Variants in DOCK2 observed in about 807,000 individuals in gnomAD.
DOCK2 encodes the protein dedicator of cytokinesis protein 2.
Under a neutral mutation model 248.9 loss-of-function variants are expected in DOCK2, and 87 were observed. That is an observed-to-expected ratio of 0.35 (90% confidence interval 0.29 to 0.42). The LOEUF (loss-of-function observed/expected upper bound fraction) is 0.42, where lower values mean the gene tolerates loss of function less well. Among genes scored for constraint, DOCK2 ranks in the 10% least tolerant of loss-of-function variants. The probability of loss-of-function intolerance (pLI) is 1.00; values close to 1 mark genes in which losing one functional copy is unlikely to be tolerated. For missense variants in DOCK2, 1,747 were observed against 2,300.2 expected (o/e 0.76, Z 4.92); for synonymous variants, 805 against 821.6 (o/e 0.98, Z 0.35).
At chr5:169,882,925 C>T in intron 27 of DOCK2, 2 of 1,551,978 alleles carry the variant, frequency 1.3e-6, no homozygotes, top group South Asian at 1.2e-5. Context: ...GTCTGAGGCT[C>T]TTCCTGGGTG....
At chr5:169,904,446 C>T (rs261049) in intron 27 of DOCK2, among the ~76,000 whole-genome samples, 2 of 151,908 alleles carry the variant, frequency 1.3e-5, no homozygotes, top group Non-Finnish European at 2.9e-5. Context: ...TCCAAAGTCT[C>T]ACTTCTGGGC....
chr5:169,780,285 A>T (rs928609899), intron 25 of DOCK2, among the ~76,000 whole-genome samples: 2 of 142,146 alleles, frequency 1.4e-5, no homozygotes, highest in African/African-American at 2.7e-5. Flanking sequence ...AGGCTCCCCC[A>T]ACCCAATAAA....
intron 27 of DOCK2, among the ~76,000 whole-genome samples, chr5:169,961,322 G>T (rs1376105808): frequency 6.6e-6 from 1 of 152,212 alleles, no homozygotes; most frequent in Non-Finnish European, 1.5e-5. Flanking sequence ...GAATATAATT[G>T]AAGTGACTTG....
At chr5:169,641,787 T>C (rs1757166834) in intron 1 of DOCK2, among the ~76,000 whole-genome samples, 1 of 152,210 alleles carries the variant, frequency 6.6e-6, no homozygotes, top group African/African-American at 2.4e-5. Flanking sequence ...AATACCACAG[T>C]GGTGGCCCCA....
intron 6 of DOCK2, among the ~76,000 whole-genome samples, chr5:169,676,563 T>C (rs114988726): frequency 5.9e-5 from 9 of 151,968 alleles, no homozygotes; most frequent in Non-Finnish European, 1.3e-4. Context: ...AGCGAGAGAG[T>C]TGGGCAACTT....
chr5:169,898,241 A>C (rs909159995), intron 27 of DOCK2, among the ~76,000 whole-genome samples: 1 of 152,028 alleles, frequency 6.6e-6, no homozygotes, highest in African/African-American at 2.4e-5. Flanking sequence ...CTGCCCATCA[A>C]CTGGCTGCCA....
chr5:169,650,071 T>C (rs1318953711), intron 1 of DOCK2, among the ~76,000 whole-genome samples: 5 of 152,304 alleles, frequency 3.3e-5, no homozygotes, highest in African/African-American at 4.8e-5. Context: ...GTGTTGGGAT[T>C]ACAGGCGTGA....
chr5:170,043,092 C>A (rs1244410802), intron 38 of DOCK2, among the ~76,000 whole-genome samples: 1 of 152,160 alleles, frequency 6.6e-6, no homozygotes, highest in Non-Finnish European at 1.5e-5. Flanking sequence ...TCAGCTCCAG[C>A]CTCTGGTGGA....
At chr5:169,719,920 T>TAA (rs879318664) in intron 22 of DOCK2, among the ~76,000 whole-genome samples, 9 of 141,162 alleles carry the variant, frequency 6.4e-5, no homozygotes, top group African/African-American at 1.8e-4. Flanking sequence ...CTCTGACTCT[T>TAA]AAAAAAAAAA....
chr5:169,703,451 G>T (rs1287303209), intron 14 of DOCK2, among the ~76,000 whole-genome samples: 1 of 152,170 alleles, frequency 6.6e-6, no homozygotes, highest in Non-Finnish European at 1.5e-5. Flanking sequence ...AAGCCATAAT[G>T]TTAGCATATG....
At chr5:169,964,503 C>T (rs1030575895) in intron 27 of DOCK2, among the ~76,000 whole-genome samples, 1 of 152,230 alleles carries the variant, frequency 6.6e-6, no homozygotes, top group Non-Finnish European at 1.5e-5. Flanking sequence ...GAGCTGGCGG[C>T]CCTGTGGCCA....
rs963986432 is a variant in DOCK2, at chr5:169,763,851, G to A, written c.2554+2226G>A. ...GGCAAAGTGTAATTAGTGTAGCCACGCTCGGCTCACATGTGAAAGTCGTAT... is the reference window on the plus strand; with the variant it reads ...GGCAAAGTGTAATTAGTGTAGCCACACTCGGCTCACATGTGAAAGTCGTAT... On this transcript the variant is annotated intron_variant, in intron 25 of 51. Coordinates refer to ENST00000520908, the MANE Select transcript of DOCK2 (RefSeq NM_004946.3). This position sits in a 1 kb window ranked among gnomAD's most constrained non-coding sequence, Gnocchi z 4.1. Among the ~76,000 whole-genome samples the A allele has an allele frequency of 2.6e-5, 4 of 152,190 alleles. No homozygotes were observed. The highest frequency in any genetic ancestry group is 1.9e-4 in the East Asian group (1 of 5,198).
chr5:169,758,244 G>A (rs940310923), intron 23 of DOCK2, among the ~76,000 whole-genome samples: 7 of 152,172 alleles, frequency 4.6e-5, no homozygotes, highest in African/African-American at 1.7e-4. Flanking sequence ...CAAAAAGCAA[G>A]TTGCAGACAT....
intron 14 of DOCK2, among the ~76,000 whole-genome samples, chr5:169,707,752 G>A (rs1761355466): frequency 6.6e-6 from 1 of 152,210 alleles, no homozygotes; most frequent in Non-Finnish European, 1.5e-5. Context: ...CGTGTTAGCT[G>A]TAGAAATTCA....
chr5:169,847,125 T>A (rs2113358459), intron 27 of DOCK2, among the ~76,000 whole-genome samples: 1 of 152,352 alleles, frequency 6.6e-6, no homozygotes, highest in South Asian at 2.1e-4. Flanking sequence ...TTCCACATGT[T>A]GGCAATTGCG....
chr5:169,824,825 A>G (rs952506158), intron 26 of DOCK2, among the ~76,000 whole-genome samples: 4 of 152,238 alleles, frequency 2.6e-5, no homozygotes, highest in African/African-American at 7.2e-5. Flanking sequence ...CTACCATCAG[A>G]ATGAACAGGC....
chr5:170,034,764 A>G (rs1253342679), intron 35 of DOCK2, among the ~76,000 whole-genome samples: 1 of 152,168 alleles, frequency 6.6e-6, no homozygotes, highest in Non-Finnish European at 1.5e-5. Context: ...CTCCTTATTT[A>G]TAACATGAGA....
chr5:169,942,976 G>C (rs1402309691), intron 27 of DOCK2, among the ~76,000 whole-genome samples: 2 of 152,170 alleles, frequency 1.3e-5, no homozygotes, highest in Admixed American at 1.3e-4. Flanking sequence ...CTGGCAAATC[G>C]TATGCGTGGG....
chr5:169,727,632 T>C (rs1436513813), intron 22 of DOCK2, among the ~76,000 whole-genome samples: 3 of 152,232 alleles, frequency 2.0e-5, no homozygotes, highest in Admixed American at 6.5e-5. Flanking sequence ...CCCCAGTAGG[T>C]GTACACACTA....
Sources: gnomAD v4.1 joint callset for allele counts (sites outside exome capture counted in the v4.1 genomes callset) on GRCh38, gnomAD v4.1.1 for gene constraint, Gnocchi (gnomAD v3.1) non-coding constraint, MANE v1.5 for transcripts, NCBI Gene and HGNC (gene_info 2026-07-23, HGNC 2026-07-21) for gene names.